NKAIN3: variants seen among roughly 807,000 people sequenced by gnomAD.
NKAIN3 encodes sodium/potassium-transporting ATPase subunit beta-1-interacting protein 3.
A neutral mutation model predicts 30.2 loss-of-function variants in NKAIN3; 25 were observed. The observed-to-expected ratio is 0.83, with a 90% confidence interval of 0.60 to 1.16. The LOEUF (loss-of-function observed/expected upper bound fraction) is 1.16. NKAIN3 is among the 50% of genes most tolerant of loss of function. The pLI is 0.00. For synonymous variants in NKAIN3, 91 were observed against 89.6 expected (o/e 1.02, Z -0.09); for missense variants, 225 against 254.1 (o/e 0.89, Z 0.78).
intron 4 of NKAIN3, among the ~76,000 whole-genome samples, chr8:62,787,045 T>C (rs1243443076): frequency 1.3e-5 from 2 of 151,854 alleles, no homozygotes; most frequent in Non-Finnish European, 2.9e-5. Context: ...GAGCAACAAA[T>C]GCAAGAACAG....
intron 4 of NKAIN3, among the ~76,000 whole-genome samples, chr8:62,832,264 C>T (rs1212220566): frequency 2.4e-5 from 2 of 82,626 alleles, no homozygotes; most frequent in African/African-American, 1.0e-4. Context: ...AACAGACACA[C>T]ACACACACAC....
intron 1 of NKAIN3, among the ~76,000 whole-genome samples, chr8:62,544,891 T>C (rs1305063075): frequency 6.6e-6 from 1 of 152,218 alleles, no homozygotes; most frequent in Non-Finnish European, 1.5e-5. Context: ...ATATGTATTA[T>C]ATATTGTATT....
chr8:62,744,024 G>A (rs1815990816), intron 3 of NKAIN3, among the ~76,000 whole-genome samples: 1 of 152,154 alleles, frequency 6.6e-6, no homozygotes, highest in Non-Finnish European at 1.5e-5. Context: ...TGGGAGAAAA[G>A]GGTTCTGGTT....
At chr8:62,677,940 A>T (rs1308703187) in intron 3 of NKAIN3, among the ~76,000 whole-genome samples, 2 of 152,126 alleles carry the variant, frequency 1.3e-5, no homozygotes, top group Non-Finnish European at 1.5e-5. Context: ...GCATTTCTTT[A>T]TTTGACTCGA....
At chr8:62,865,455 A>G (rs1209470106) in intron 4 of NKAIN3, among the ~76,000 whole-genome samples, 4 of 151,898 alleles carry the variant, frequency 2.6e-5, no homozygotes, top group Admixed American at 6.6e-5. Context: ...GTTGTTTGAC[A>G]TTTTGCTTTT....
At chr8:62,462,253 A>T (rs1806022141) in intron 1 of NKAIN3, among the ~76,000 whole-genome samples, 1 of 152,094 alleles carries the variant, frequency 6.6e-6, no homozygotes, top group Non-Finnish European at 1.5e-5. Context: ...TAGGCATAAG[A>T]CCACCAACTC....
chr8:62,289,401 T>C (rs1182482241), intron 1 of NKAIN3, among the ~76,000 whole-genome samples: 1 of 151,822 alleles, frequency 6.6e-6, no homozygotes, highest in Admixed American at 6.6e-5. Flanking sequence ...CTTTAATCCA[T>C]CTTGAATTAA....
chr8:62,695,694 T>C (rs1225049480), intron 3 of NKAIN3, among the ~76,000 whole-genome samples: 2 of 152,210 alleles, frequency 1.3e-5, no homozygotes, highest in Admixed American at 6.5e-5. Flanking sequence ...GATTCTATGC[T>C]GTGCACAATG....
intron 1 of NKAIN3, among the ~76,000 whole-genome samples, chr8:62,254,966 A>G (rs1411955197): frequency 6.6e-6 from 1 of 152,250 alleles, no homozygotes. Context: ...AGTAAATAGC[A>G]GAACACTCTG....
chr8:62,739,259 T>C (rs1815781326), intron 3 of NKAIN3, among the ~76,000 whole-genome samples: 1 of 151,642 alleles, frequency 6.6e-6, no homozygotes, highest in Non-Finnish European at 1.5e-5. Context: ...ACTTAAAGTA[T>C]AATTTACGAA....
chr8:62,582,494 T>G (rs1383461076), intron 2 of NKAIN3, among the ~76,000 whole-genome samples: 1 of 152,032 alleles, frequency 6.6e-6, no homozygotes, highest in Non-Finnish European at 1.5e-5. Context: ...GCAATGGGGT[T>G]AGGCACCCTG....
intron 2 of NKAIN3, among the ~76,000 whole-genome samples, chr8:62,581,798 A>ACCC (rs1810303545): frequency 2.1e-5 from 1 of 46,800 alleles, no homozygotes; most frequent in African/African-American, 9.5e-5. Flanking sequence ...TCTCCCACCT[A>ACCC]TCCTCCCTCC....
intron 3 of NKAIN3, among the ~76,000 whole-genome samples, chr8:62,645,647 A>T (rs1368060800): frequency 2.0e-5 from 3 of 152,116 alleles, no homozygotes; most frequent in African/African-American, 7.2e-5. Flanking sequence ...ATTATGTGAA[A>T]GCTCAAAGGT....
intron 1 of NKAIN3, among the ~76,000 whole-genome samples, chr8:62,333,689 AG>A (rs1815431008): frequency 6.6e-6 from 1 of 152,144 alleles, no homozygotes; most frequent in Admixed American, 6.6e-5. Context: ...CTAGAGTGAC[AG>A]GCATTCTGTA....
chr8:62,409,813 A>T (rs1804184087), intron 1 of NKAIN3, among the ~76,000 whole-genome samples: 1 of 152,042 alleles, frequency 6.6e-6, no homozygotes, highest in South Asian at 2.1e-4. Context: ...AAAAATTCAG[A>T]AGATTTTATA....
chr8:62,561,918 T>C (rs996578359), intron 1 of NKAIN3, among the ~76,000 whole-genome samples: 3 of 152,176 alleles, frequency 2.0e-5, no homozygotes, highest in Non-Finnish European at 4.4e-5. Flanking sequence ...ATTAATTACA[T>C]TTATTGCCTA....
intron 1 of NKAIN3, among the ~76,000 whole-genome samples, chr8:62,280,279 G>C (rs1485460302): frequency 1.3e-5 from 2 of 152,206 alleles, no homozygotes; most frequent in Non-Finnish European, 2.9e-5. Context: ...TTTGGGCTGA[G>C]ATGATGGAGT....
intron 4 of NKAIN3, among the ~76,000 whole-genome samples, chr8:62,872,209 T>C (rs1419126094): frequency 6.6e-6 from 1 of 152,216 alleles, no homozygotes; most frequent in East Asian, 1.9e-4. Flanking sequence ...TCATGTTGCC[T>C]ACACAGCGAA....
At chr8:62,998,719 A>G (rs1804183836) in intron 5 of NKAIN3, among the ~76,000 whole-genome samples, 1 of 152,184 alleles carries the variant, frequency 6.6e-6, no homozygotes, top group South Asian at 2.1e-4. Context: ...ATTGTCATGC[A>G]TATTTTTTCC....
Sources: gnomAD v4.1 joint callset for allele counts (sites outside exome capture counted in the v4.1 genomes callset) on GRCh38, gnomAD v4.1.1 for gene constraint, MANE v1.5 for transcripts, NCBI Gene and HGNC (gene_info 2026-07-23, HGNC 2026-07-21) for gene names.